RNF166: variants seen among roughly 807,000 people sequenced by gnomAD.
RNF166 encodes the protein E3 ubiquitin-protein ligase RNF166.
RNF166 carries 19 observed loss-of-function variants against 29.4 expected under a neutral mutation model. That is an observed-to-expected ratio of 0.65 (90% CI 0.45 to 0.95). RNF166 has a LOEUF of 0.95. RNF166 is among the 40% of genes least tolerant of loss of function. The pLI is 0.00. For synonymous variants in RNF166, 171 were observed against 134.5 expected, an observed-to-expected ratio of 1.27 and a Z score of -1.88; for missense variants, 347 against 322.1, an observed-to-expected ratio of 1.08 and a Z score of -0.59.
At chr16:88,698,696 G>T in intron 4 of RNF166, 87 bp from the exon 5 acceptor site, 1 of 1,035,832 alleles carries the variant, frequency 9.7e-7, no homozygotes, top group Non-Finnish European at 1.4e-6. Flanking sequence ...ACTGAGCCCC[G>T]TCAGTGCTGC....
rs1014992950 is a variant in RNF166 at position 88,700,576 on chromosome 16, C to T, written c.312+686G>A. The T allele has an allele frequency of 3.4e-5, 33 of 984,864 alleles. No individual in the cohort carries two copies. In the African/African-American group the frequency reaches 5.8e-4, roughly 17 times the overall value. The allele number at this position is 984,864 out of a possible 1,614,324, so 61.0% of individuals were successfully genotyped here. ...GTGAGCGCTTCATAGAACTTATTCA[C>T]CTGAGATGTGGCAACGTCGGGAAAC... On this transcript the variant is annotated intron_variant, in intron 2 of 5. Coordinates refer to ENST00000312838, the MANE Select transcript of RNF166 (RefSeq NM_178841.4).
chr16:88,704,437 T>G (rs1000766771), intron 1 of RNF166: 13 of 985,274 alleles, frequency 1.3e-5, no homozygotes, highest in Non-Finnish European at 1.6e-5. Context: ...GGAAAGATGC[T>G]CCACAATTCC....
At chr16:88,699,970 G>A (rs1407467787) in intron 2 of RNF166, 6 of 393,348 alleles carry the variant, frequency 1.5e-5, no homozygotes, top group Non-Finnish European at 2.8e-5. Context: ...AAACCTGGCT[G>A]GAGAAGGGTA....
At chr16:88,704,845 C>G (rs975114651) in intron 1 of RNF166, among the ~76,000 whole-genome samples, 2 of 152,136 alleles carry the variant, frequency 1.3e-5, no homozygotes, top group African/African-American at 4.8e-5. Flanking sequence ...CAGCAATTAG[C>G]CGGGCGTGGT....
chr16:88,700,795 G>A lies in RNF166; in HGVS notation c.312+467C>T, dbSNP rs74033349. 4.9e-4 allele frequency: 504 copies of A among 1,028,360 alleles called. 3 individuals carry two copies. In the African/African-American group the frequency reaches 8.5e-3, roughly 17 times the overall value. 63.7% of individuals were successfully genotyped at this position (1,028,360 alleles called of 1,614,324 possible). On this transcript the variant is annotated intron_variant, in intron 2 of 5. Transcript: ENST00000312838. The stretch of plus-strand genomic sequence containing the variant: ...CTGCAGGCCCTTACGCTGCTCTGAT[G>A]TGGGTGTGGCAGTGCCCATCAGCCC...
Position 88,699,637 on chromosome 16 carries a change from T to C in RNF166, c.408A>G (p.Thr136=), listed in dbSNP as rs1225047536. ...GTGCCTACCTGGGGATAGGCTGTGA[T>C]GTGGGCACCACGGGGACGAACTTGG... is the stretch of plus-strand genomic sequence containing the variant. ...NCPKFVPVVP[T]SQPIPSNIPN... Residue 136 remains threonine, a synonymous_variant, in exon 3 of 6, where the codon ACA becomes ACG. Coordinates refer to ENST00000312838, the MANE Select transcript of RNF166 (RefSeq NM_178841.4). 1.9e-6 allele frequency: 3 copies of C among 1,613,040 alleles called. No homozygotes were observed. The highest frequency in any genetic ancestry group is 2.5e-6 in the Non-Finnish European group (3 of 1,179,688).
intron 2 of RNF166, 30 bp downstream of exon 2, chr16:88,701,232 G>C: frequency 6.2e-7 from 1 of 1,609,994 alleles, no homozygotes; most frequent in East Asian, 2.2e-5. Context: ...AAGTGACCCC[G>C]GCTCCAGGGC....
At chr16:88,705,292 C>G (rs996990895) in intron 1 of RNF166, among the ~76,000 whole-genome samples, 5 of 152,240 alleles carry the variant, frequency 3.3e-5, no homozygotes, top group African/African-American at 1.2e-4. Context: ...TCCTACCAGT[C>G]TGGGTGCACC....
intron 2 of RNF166, chr16:88,700,005 T>G: frequency 1.2e-4 from 32 of 269,286 alleles, no homozygotes; most frequent in East Asian, 3.5e-4. Flanking sequence ...AGGAGATCTC[T>G]GGCGCCTGCA....
chr16:88,704,671 T>C (rs1237980067), intron 1 of RNF166, among the ~76,000 whole-genome samples: 1 of 152,152 alleles, frequency 6.6e-6, no homozygotes, highest in Non-Finnish European at 1.5e-5. Context: ...GGAACACACC[T>C]TCAAACACCC....
At chr16:88,703,947 A>G (rs1240420270) in intron 1 of RNF166, 18 of 985,306 alleles carry the variant, frequency 1.8e-5, no homozygotes, top group Non-Finnish European at 2.2e-5. Context: ...CAGGTTCGTG[A>G]TCACGCGTGT....
At chr16:88,698,155 T>G (rs1597401207) in intron 5 of RNF166, 2 of 593,846 alleles carry the variant, frequency 3.4e-6, no homozygotes, top group Non-Finnish European at 6.0e-6. Context: ...AGGGCTGGAG[T>G]GTTCGATGTT....
intron 2 of RNF166, chr16:88,700,733 C>G: frequency 1.0e-6 from 1 of 992,598 alleles, no homozygotes; most frequent in Non-Finnish European, 1.2e-6. Flanking sequence ...GGCACCAGGA[C>G]AGGATGGACA....
Position 88,706,156 on chromosome 16 carries a change from G to C in RNF166, c.155+15C>G. The C allele has an allele frequency of 8.4e-7, 1 of 1,196,232 alleles. No homozygotes were observed. The highest frequency in any genetic ancestry group is 1.0e-6 in the Non-Finnish European group (1 of 966,584). The allele number at this position is 1,196,232 out of a possible 1,614,324, so 74.1% of individuals were successfully genotyped here. A position where few individuals can be genotyped will look rare whatever the true frequency, so the allele number is the denominator to read the frequency against. On this transcript the variant is annotated intron_variant, in intron 1 of 5. Coordinates refer to ENST00000312838, the MANE Select transcript of RNF166 (RefSeq NM_178841.4). ...CACGGCCCCCTCCCCGCGGCCCCTG[G>C]GCGGGCGCGCTCACGTGTGGCCGCA...
At chr16:88,701,145 C>T (rs1910180051) in intron 2 of RNF166, 117 bp downstream of exon 2, 2 of 1,370,476 alleles carry the variant, frequency 1.5e-6, no homozygotes, top group Non-Finnish European at 2.0e-6. Context: ...GGAGCAGAGA[C>T]CGCGATTACT....
intron 1 of RNF166, among the ~76,000 whole-genome samples, chr16:88,705,451 G>A (rs1910688960): frequency 6.6e-6 from 1 of 152,312 alleles, no homozygotes; most frequent in Middle Eastern, 3.4e-3. Flanking sequence ...CCTCCCAACG[G>A]GGCTGGCAGC....
rs368459374 is a variant in RNF166 at position 88,698,939 on chromosome 16, C to T, written c.540+32G>A. On this transcript the variant is annotated intron_variant, in intron 4 of 5. Transcript: ENST00000312838. ...ACTGTCCCCCACAGGCCTCCCCTGG[C>T]GCAGGCGTCGCTTGGGGCAGGCACT... 5.1e-4 allele frequency: 762 copies of T among 1,481,636 alleles called. 5 individuals are homozygous for T. Among genetic ancestry groups the T allele is most frequent in the Admixed American group, 6.9e-4 (36 of 51,830 alleles). The allele number at this position is 1,481,636 out of a possible 1,614,324, so 91.8% of individuals were successfully genotyped here.
chr16:88,703,976 G>T, intron 1 of RNF166: 1 of 985,488 alleles, frequency 1.0e-6, no homozygotes. Flanking sequence ...ACAGGCTTCT[G>T]GTTACAGAGG....
intron 1 of RNF166, chr16:88,703,275 C>G: frequency 1.0e-6 from 1 of 984,612 alleles, no homozygotes; most frequent in Non-Finnish European, 1.2e-6. Context: ...TGCAAACACA[C>G]TGGAAACGAC....
Sources: allele counts gnomAD v4.1 joint callset (sites outside exome capture counted in the v4.1 genomes callset), GRCh38; gene constraint gnomAD v4.1.1; transcripts MANE v1.5; gene names NCBI Gene and HGNC (gene_info 2026-07-23, HGNC 2026-07-21).